The following NPAS3 variants were observed in gnomAD, a reference collection of about 807,000 sequenced individuals.
The protein encoded by NPAS3 is neuronal PAS domain-containing protein 3.
A neutral mutation model predicts 73.1 loss-of-function variants in NPAS3; 14 were observed. The ratio of observed to expected loss-of-function variants is 0.19; its 90% CI spans 0.13 to 0.30. The LOEUF (loss-of-function observed/expected upper bound fraction) is 0.30. Ranked by LOEUF, NPAS3 falls within the 10% of genes least tolerant of loss-of-function variation. The pLI is 1.00. For missense variants in NPAS3, 1,096 were observed against 1,250.0 expected (o/e 0.88, Z 1.86); for synonymous variants, 620 against 541.5 (o/e 1.14, Z -2.01).
At chr14:33,443,248 T>G (rs982927170) in intron 4 of NPAS3, among the ~76,000 whole-genome samples, 1 of 152,078 alleles carries the variant, frequency 6.6e-6, no homozygotes, top group Non-Finnish European at 1.5e-5. Context: ...AGGGAAAATT[T>G]GACTATATAT....
At chr14:32,996,925 A>G (rs2038600754) in intron 1 of NPAS3, among the ~76,000 whole-genome samples, 1 of 152,132 alleles carries the variant, frequency 6.6e-6, no homozygotes, top group Non-Finnish European at 1.5e-5. Flanking sequence ...TAGATCCACC[A>G]ACAGCTTGCA....
At chr14:33,765,877 T>C (rs2062447391) in intron 7 of NPAS3, among the ~76,000 whole-genome samples, 1 of 152,152 alleles carries the variant, frequency 6.6e-6, no homozygotes, top group Non-Finnish European at 1.5e-5. Flanking sequence ...CCCAGGCCCC[T>C]GTGTCGATTT....
chr14:33,582,824 T>G (rs181605565), intron 5 of NPAS3, among the ~76,000 whole-genome samples: 1 of 152,304 alleles, frequency 6.6e-6, no homozygotes, highest in East Asian at 1.9e-4. Context: ...AAATCAGAAC[T>G]TCAAAATAGT....
intron 4 of NPAS3, among the ~76,000 whole-genome samples, chr14:33,404,537 A>G (rs1371705): frequency 0.099 from 15,111 of 152,042 alleles, 1,099 homozygotes; most frequent in East Asian, 0.4. Flanking sequence ...TATTTTAGAC[A>G]AATGATACCA....
intron 5 of NPAS3, among the ~76,000 whole-genome samples, chr14:33,613,569 G>A (rs560884905): frequency 6.2e-4 from 95 of 152,140 alleles, no homozygotes; most frequent in Non-Finnish European, 1.1e-3. Flanking sequence ...TTTCAGCATG[G>A]TCTCCTGGTG....
At chr14:33,000,804 A>G (rs987420019) in intron 1 of NPAS3, among the ~76,000 whole-genome samples, 1 of 152,232 alleles carries the variant, frequency 6.6e-6, no homozygotes, top group African/African-American at 2.4e-5. Flanking sequence ...GGTAAGTCAG[A>G]AACTGTTTTA....
At chr14:33,420,587 C>A (rs1464594123) in intron 4 of NPAS3, among the ~76,000 whole-genome samples, 1 of 151,296 alleles carries the variant, frequency 6.6e-6, no homozygotes, top group Non-Finnish European at 1.5e-5. Flanking sequence ...CAATGTGGAA[C>A]CATGGAGAAT....
intron 5 of NPAS3, among the ~76,000 whole-genome samples, chr14:33,560,847 C>T (rs980665421): frequency 4.6e-5 from 7 of 152,266 alleles, no homozygotes; most frequent in South Asian, 2.1e-4. Context: ...TGTTACTTCT[C>T]GATATTCCCC....
At chr14:33,529,291 TAGGA>T (rs2053937130) in intron 4 of NPAS3, among the ~76,000 whole-genome samples, 1 of 152,064 alleles carries the variant, frequency 6.6e-6, no homozygotes, top group Admixed American at 6.6e-5. Context: ...TTATCTTCCC[TAGGA>T]AGAAAACTAA....
chr14:33,641,809 T>G (rs1271691208), intron 5 of NPAS3, among the ~76,000 whole-genome samples: 1 of 152,188 alleles, frequency 6.6e-6, no homozygotes, highest in Non-Finnish European at 1.5e-5. Flanking sequence ...TATAATTCTT[T>G]GTGCTAATGG....
At chr14:33,389,797 A>G (rs10130742) in intron 4 of NPAS3, among the ~76,000 whole-genome samples, 1,732 of 152,306 alleles carry the variant, frequency 0.011, 25 homozygotes, top group African/African-American at 0.04. Context: ...CAAATCAAAC[A>G]CAAATTATTT....
chr14:33,109,246 G>A (rs1349834187), intron 2 of NPAS3, among the ~76,000 whole-genome samples: 3 of 152,124 alleles, frequency 2.0e-5, no homozygotes, highest in Non-Finnish European at 4.4e-5. Context: ...CCAGCAAATA[G>A]AAATTGTGTA....
At chr14:33,130,037 A>G (rs1393164833) in intron 2 of NPAS3, among the ~76,000 whole-genome samples, 2 of 152,174 alleles carry the variant, frequency 1.3e-5, no homozygotes, top group East Asian at 1.9e-4. Context: ...TTTTCCCTAA[A>G]TGACAGAAGT....
At chr14:33,583,303 G>A (rs531425175) in intron 5 of NPAS3, 3 of 152,202 alleles carry the variant, frequency 2.0e-5, no homozygotes, top group East Asian at 1.9e-4. Flanking sequence ...GGTTCCAGTC[G>A]CACCTACAGT....
At chr14:33,358,126 C>T (rs1014807378) in intron 3 of NPAS3, among the ~76,000 whole-genome samples, 9 of 152,136 alleles carry the variant, frequency 5.9e-5, no homozygotes, top group East Asian at 1.9e-4. Context: ...CACTTCAGAA[C>T]ACGGAGGTGA....
intron 2 of NPAS3, among the ~76,000 whole-genome samples, chr14:33,156,482 C>T (rs1012534779): frequency 1.3e-5 from 2 of 152,154 alleles, no homozygotes; most frequent in Non-Finnish European, 2.9e-5. Flanking sequence ...ATTGGTGCTA[C>T]ATATTCTCTT....
intron 2 of NPAS3, among the ~76,000 whole-genome samples, chr14:33,212,098 G>A (rs755961185): frequency 8.5e-5 from 13 of 152,156 alleles, no homozygotes; most frequent in South Asian, 2.1e-4. Flanking sequence ...TTCAATGTGA[G>A]GATTGCTTAT....
chr14:33,016,466 G>A (rs563425666), intron 1 of NPAS3, among the ~76,000 whole-genome samples: 33 of 152,102 alleles, frequency 2.2e-4, no homozygotes, highest in South Asian at 8.3e-4. Context: ...GGATATGGGA[G>A]GCTCTAATAA....
intron 3 of NPAS3, among the ~76,000 whole-genome samples, chr14:33,292,515 C>G (rs17100548): frequency 0.27 from 40,437 of 151,914 alleles, 6,040 homozygotes; most frequent in African/African-American, 0.4. Flanking sequence ...TAGATATACC[C>G]TCAGATATTT....
Sources: allele counts gnomAD v4.1 joint callset (sites outside exome capture counted in the v4.1 genomes callset), GRCh38; gene constraint gnomAD v4.1.1; transcripts MANE v1.5; gene names NCBI Gene and HGNC (gene_info 2026-07-23, HGNC 2026-07-21).